The following UTRN variants were observed in gnomAD, a reference collection of about 807,000 sequenced individuals.
The protein encoded by UTRN is utrophin, also known as dystrophin-related protein 1.
In UTRN, 283 loss-of-function variants were observed where a neutral mutation model predicts 463.9. That is an observed-to-expected ratio of 0.61 (90% CI 0.55 to 0.67). The LOEUF is 0.67. UTRN is among the 30% of genes least tolerant of loss of function. The pLI is 0.00. For synonymous variants in UTRN, 1,442 were observed against 1,431.5 expected (o/e 1.01, Z -0.17); for missense variants, 3,922 against 4,084.3 (o/e 0.96, Z 1.08).
At chr6:144,513,772 A>C in intron 35 of UTRN, 137 bp from the exon 36 acceptor site, 2 of 874,684 alleles carry the variant, frequency 2.3e-6, no homozygotes, top group Non-Finnish European at 3.4e-6. Flanking sequence ...ACTGAAGAAG[A>C]GCTCTGCAGG....
At chr6:144,441,238 A>C (rs1787125143) in intron 13 of UTRN, among the ~76,000 whole-genome samples, 1 of 152,226 alleles carries the variant, frequency 6.6e-6, no homozygotes, top group Admixed American at 6.5e-5. Flanking sequence ...GTCTCATCTG[A>C]GACAAGGCAA....
At chr6:144,341,056 A>G (rs897591678) in intron 2 of UTRN, among the ~76,000 whole-genome samples, 13 of 152,228 alleles carry the variant, frequency 8.5e-5, no homozygotes, top group African/African-American at 2.4e-4. Context: ...CACTTAGCTT[A>G]ATATGAATGT....
chr6:144,487,761 C>G (rs1371077755), intron 29 of UTRN, 64 bp downstream of exon 29: 1 of 1,465,544 alleles, frequency 6.8e-7, no homozygotes, highest in Non-Finnish European at 9.1e-7. Flanking sequence ...GCCCTAAGCT[C>G]CATATCATAG....
intron 52 of UTRN, among the ~76,000 whole-genome samples, chr6:144,693,104 T>G (rs1783605961): frequency 6.6e-6 from 1 of 152,208 alleles, no homozygotes; most frequent in Non-Finnish European, 1.5e-5. Flanking sequence ...TTCAATGTTT[T>G]GCATATGGCT....
intron 35 of UTRN, 125 bp from the exon 36 acceptor site, chr6:144,513,784 A>T: frequency 9.9e-7 from 1 of 1,010,420 alleles, no homozygotes; most frequent in Non-Finnish European, 1.4e-6. Context: ...CTCTGCAGGA[A>T]GGTGAAAGCT....
intron 23 of UTRN, among the ~76,000 whole-genome samples, chr6:144,471,089 G>C (rs1171947401): frequency 1.3e-4 from 16 of 123,630 alleles, no homozygotes; most frequent in African/African-American, 4.4e-4. Context: ...GGAGGGGGAG[G>C]GGGAGAGGGA....
intron 2 of UTRN, among the ~76,000 whole-genome samples, chr6:144,402,375 C>G (rs1783005172): frequency 6.6e-6 from 1 of 152,170 alleles, no homozygotes; most frequent in Non-Finnish European, 1.5e-5. Flanking sequence ...AGAGAAAGTC[C>G]TTTTCTCTTT....
chr6:144,413,296 T>C (rs996729217), intron 3 of UTRN, among the ~76,000 whole-genome samples: 2 of 152,222 alleles, frequency 1.3e-5, no homozygotes, highest in African/African-American at 4.8e-5. Context: ...CAATGCCATT[T>C]ACTCGAGTGT....
intron 2 of UTRN, among the ~76,000 whole-genome samples, chr6:144,364,294 T>C (rs1001173809): frequency 6.6e-6 from 1 of 152,202 alleles, no homozygotes; most frequent in African/African-American, 2.4e-5. Flanking sequence ...AGGAACTCAA[T>C]TGGTACCTGC....
chr6:144,299,283 A>T (rs759897528), intron 2 of UTRN, among the ~76,000 whole-genome samples: 6 of 152,210 alleles, frequency 3.9e-5, no homozygotes, highest in Admixed American at 3.9e-4. Context: ...CTCTTAATTT[A>T]TAGACAAGGA....
rs539886456 is a variant in UTRN, at chr6:144,378,303, C to G, written c.80-24820C>G. Among the ~76,000 whole-genome samples, 52 of 152,280 alleles carry G rather than the reference C, an allele frequency of 3.4e-4. 1 individual carries two copies. In the South Asian group the frequency reaches 0.011, roughly 32 times the overall value. On this transcript the variant is annotated intron_variant, in intron 2 of 74. Transcript: ENST00000367545. ...AGACTTAATAAACACTTTCAATAAG[C>G]TTATTCAATATTTTTTAAATTGACA...
intron 60 of UTRN, among the ~76,000 whole-genome samples, chr6:144,779,457 A>G (rs1164376679): frequency 6.6e-6 from 1 of 152,230 alleles, no homozygotes; most frequent in Admixed American, 6.5e-5. Flanking sequence ...CAACAAAGTA[A>G]GCTAGAGAAA....
chr6:144,590,049 C>T (rs1215045365), intron 51 of UTRN, among the ~76,000 whole-genome samples: 1 of 151,790 alleles, frequency 6.6e-6, no homozygotes, highest in East Asian at 1.9e-4. Context: ...TTTGTGGAGA[C>T]AGGGCCTCAC....
At chr6:144,564,694 A>T (rs1433648798) in intron 50 of UTRN, among the ~76,000 whole-genome samples, 3 of 152,128 alleles carry the variant, frequency 2.0e-5, no homozygotes, top group Admixed American at 1.3e-4. Context: ...AGCTCCTTAT[A>T]AAACTATCAG....
chr6:144,598,048 A>G (rs1803837728), intron 51 of UTRN, among the ~76,000 whole-genome samples: 1 of 152,218 alleles, frequency 6.6e-6, no homozygotes, highest in African/African-American at 2.4e-5. Context: ...AACATATATC[A>G]TTCTGGCTTC....
chr6:144,545,914 G>A (rs1798360204), intron 46 of UTRN, among the ~76,000 whole-genome samples: 1 of 152,138 alleles, frequency 6.6e-6, no homozygotes, highest in Admixed American at 6.5e-5. Context: ...CAGCTACTTG[G>A]GAAGCTGAGG....
chr6:144,376,741 G>A (rs933039006), intron 2 of UTRN, among the ~76,000 whole-genome samples: 4 of 152,020 alleles, frequency 2.6e-5, no homozygotes, highest in Non-Finnish European at 5.9e-5. Context: ...CTGGTAATTT[G>A]CAAATTAAAG....
intron 51 of UTRN, among the ~76,000 whole-genome samples, chr6:144,653,671 G>C (rs1211158588): frequency 1.3e-5 from 2 of 151,720 alleles, no homozygotes; most frequent in African/African-American, 4.8e-5. Context: ...TGTTTACCCA[G>C]TTACCTTTTC....
intron 51 of UTRN, among the ~76,000 whole-genome samples, chr6:144,610,469 T>G (rs1368413910): frequency 6.6e-6 from 1 of 152,164 alleles, no homozygotes; most frequent in Non-Finnish European, 1.5e-5. Context: ...GGATGACTCC[T>G]CTACTGAAAT....
Sources: allele counts gnomAD v4.1 joint callset (sites outside exome capture counted in the v4.1 genomes callset), GRCh38; gene constraint gnomAD v4.1.1; transcripts MANE v1.5; gene names NCBI Gene and HGNC (gene_info 2026-07-23, HGNC 2026-07-21).